RIT2: variants seen among roughly 807,000 people sequenced by gnomAD.
RIT2 encodes Ras like without CAAX 2, also known as GTP-binding protein Rit2.
In RIT2, 24 loss-of-function variants were observed where a neutral mutation model predicts 23.7. The observed-to-expected ratio is 1.01, with a 90% CI of 0.73 to 1.43. RIT2 has a LOEUF of 1.43. Among genes scored for constraint, RIT2 ranks in the 40% most tolerant of loss-of-function variants. RIT2 has a pLI of 0.00. For missense variants in RIT2, 236 were observed against 266.9 expected (o/e 0.88, Z 0.81); for synonymous variants, 107 against 91.1 (o/e 1.17, Z -0.99).
chr18:43,061,489 C>A (rs185703889), intron 1 of RIT2, among the ~76,000 whole-genome samples: 1 of 152,062 alleles, frequency 6.6e-6, no homozygotes, highest in Non-Finnish European at 1.5e-5. Flanking sequence ...AGGGACAGGT[C>A]CCCTGTGAAA....
At chr18:42,945,525 G>A (rs1382487883) in intron 3 of RIT2, among the ~76,000 whole-genome samples, 2 of 152,132 alleles carry the variant, frequency 1.3e-5, no homozygotes, top group East Asian at 3.9e-4. Flanking sequence ...TTTGGTATAG[G>A]TTTTTGCTGC....
At chr18:42,938,794 A>T (rs544695971) in intron 3 of RIT2, among the ~76,000 whole-genome samples, 6 of 152,124 alleles carry the variant, frequency 3.9e-5, no homozygotes, top group Non-Finnish European at 7.3e-5. Flanking sequence ...GGTGGAGTAG[A>T]GTGACACAAT....
chr18:42,912,658 A>AT (rs1457313796), intron 4 of RIT2, among the ~76,000 whole-genome samples: 2 of 151,990 alleles, frequency 1.3e-5, no homozygotes, highest in Admixed American at 1.3e-4. Flanking sequence ...CAGAAATGTA[A>AT]TAACAAAAAT....
intron 3 of RIT2, among the ~76,000 whole-genome samples, chr18:42,934,827 A>T (rs542074570): frequency 7.9e-5 from 12 of 152,322 alleles, no homozygotes; most frequent in South Asian, 2.1e-4. Context: ...CTTCCTGTTC[A>T]AGACAGTGAG....
intron 1 of RIT2, among the ~76,000 whole-genome samples, chr18:43,083,646 T>C (rs1568077092): frequency 6.6e-6 from 1 of 152,154 alleles, no homozygotes; most frequent in Non-Finnish European, 1.5e-5. Context: ...GGATTTCCTA[T>C]TTAATAAATG....
At chr18:42,839,333 C>A (rs1906701290) in intron 4 of RIT2, among the ~76,000 whole-genome samples, 1 of 152,024 alleles carries the variant, frequency 6.6e-6, no homozygotes, top group African/African-American at 2.4e-5. Context: ...AAAAAAAATA[C>A]AATGAGAATA....
intron 4 of RIT2, among the ~76,000 whole-genome samples, chr18:42,853,283 T>C (rs988144690): frequency 6.6e-6 from 1 of 152,232 alleles, no homozygotes; most frequent in African/African-American, 2.4e-5. Context: ...TGAGATGATG[T>C]TGAGTTGTTA....
intron 4 of RIT2, among the ~76,000 whole-genome samples, chr18:42,884,259 A>C (rs1010475529): frequency 2.0e-5 from 3 of 152,150 alleles, no homozygotes; most frequent in Non-Finnish European, 4.4e-5. Context: ...CTGGATTCTC[A>C]GTTGATTTCT....
chr18:43,095,020 A>G (rs929821372), intron 1 of RIT2, among the ~76,000 whole-genome samples: 3 of 152,124 alleles, frequency 2.0e-5, no homozygotes, highest in African/African-American at 7.2e-5. Context: ...TGCAATAAAC[A>G]TACGTGTGCA....
At chr18:42,993,664 C>T (rs1910908076) in intron 2 of RIT2, among the ~76,000 whole-genome samples, 1 of 152,110 alleles carries the variant, frequency 6.6e-6, no homozygotes, top group Admixed American at 6.5e-5. Context: ...ACTAAATTAT[C>T]TGCTTCCCTG....
chr18:42,834,222 T>C (rs1376998458), intron 4 of RIT2, among the ~76,000 whole-genome samples: 1 of 152,198 alleles, frequency 6.6e-6, no homozygotes, highest in East Asian at 1.9e-4. Flanking sequence ...GACTGTTTTG[T>C]CCAAGATTCT....
At chr18:42,930,118 T>C (rs149868397) in intron 3 of RIT2, among the ~76,000 whole-genome samples, 2 of 152,240 alleles carry the variant, frequency 1.3e-5, no homozygotes, top group African/African-American at 2.4e-5. Flanking sequence ...GATCAGACTC[T>C]TGAAATCCCT....
intron 1 of RIT2, among the ~76,000 whole-genome samples, chr18:43,054,489 A>G (rs1020879694): frequency 1.3e-5 from 2 of 152,080 alleles, no homozygotes; most frequent in Non-Finnish European, 2.9e-5. Flanking sequence ...ATATTAATTG[A>G]AGCATAATTA....
intron 4 of RIT2, among the ~76,000 whole-genome samples, chr18:42,835,395 A>T (rs1245246900): frequency 2.0e-5 from 3 of 152,216 alleles, no homozygotes; most frequent in African/African-American, 7.2e-5. Context: ...TGTAAAAAAT[A>T]TTTCTGGAAA....
chr18:42,929,835 A>G (rs1474526881), intron 3 of RIT2, among the ~76,000 whole-genome samples: 1 of 151,986 alleles, frequency 6.6e-6, no homozygotes, highest in Non-Finnish European at 1.5e-5. Context: ...TGTGAGGGGA[A>G]CTCCAAAGAA....
chr18:42,777,740 A>T (rs1356035777), intron 4 of RIT2, among the ~76,000 whole-genome samples: 1 of 152,162 alleles, frequency 6.6e-6, no homozygotes, highest in African/African-American at 2.4e-5. Flanking sequence ...TGTTACCAAA[A>T]ATTGAATTTT....
chr18:42,833,831 A>AAAAATAAAAT lies in RIT2; in HGVS notation c.426+89731_426+89740dup, dbSNP rs144356017. 2.2e-4 allele frequency among the ~76,000 whole-genome samples: 33 copies of AAAAATAAAAT among 151,782 alleles called. No individual in the cohort carries two copies. The East Asian group carries it at 3.2e-3, about 15-fold the overall frequency. On this transcript the variant is annotated intron_variant, in intron 4 of 4. Transcript: ENST00000326695. Reference sequence around the variant, plus strand: ...TGTATGGATAGGAAGAAAAACAAAGAAAAATAAAATAAAATAAAATAAAAT... The same window carrying AAAAATAAAAT: ...TGTATGGATAGGAAGAAAAACAAAGAAAAATAAAATAAAATAAAATAAAATAAAATAAAAT...
intron 3 of RIT2, among the ~76,000 whole-genome samples, chr18:42,973,325 A>T (rs1301166247): frequency 6.6e-6 from 1 of 151,652 alleles, no homozygotes; most frequent in Non-Finnish European, 1.5e-5. Flanking sequence ...CTTATATTGT[A>T]TTAACAACTT....
At chr18:42,763,181 G>A (rs189583510) in intron 4 of RIT2, among the ~76,000 whole-genome samples, 5 of 152,172 alleles carry the variant, frequency 3.3e-5, no homozygotes, top group African/African-American at 7.2e-5. Context: ...ATGGTACACC[G>A]GCTGGGTGCT....
Sources: gnomAD v4.1 joint callset for allele counts (sites outside exome capture counted in the v4.1 genomes callset) on GRCh38, gnomAD v4.1.1 for gene constraint, MANE v1.5 for transcripts, NCBI Gene and HGNC (gene_info 2026-07-23, HGNC 2026-07-21) for gene names.